Variants in ALKBH3 observed in about 807,000 individuals in gnomAD.
ALKBH3 encodes the protein alkB homolog 3, alpha-ketoglutarate dependent dioxygenase, also known as alpha-ketoglutarate-dependent dioxygenase alkB homolog 3.
Under a neutral mutation model 43.9 loss-of-function variants are expected in ALKBH3, and 51 were observed. That is an observed-to-expected ratio of 1.16 (90% CI 0.93 to 1.47). ALKBH3 has a LOEUF of 1.47. Among genes scored for constraint, ALKBH3 ranks in the 40% most tolerant of loss-of-function variants. ALKBH3 has a pLI of 0.00. For synonymous variants in ALKBH3, 102 were observed against 115.2 expected (o/e 0.89, Z 0.73); for missense variants, 361 against 351.9 (o/e 1.03, Z -0.21).
chr11:43,901,768 G>T, intron 8 of ALKBH3, 43 bp downstream of exon 8: 1 of 1,600,668 alleles, frequency 6.2e-7, no homozygotes, highest in Non-Finnish European at 8.5e-7. Context: ...CCTCTTATTA[G>T]TCTGTGGAAA....
intron 8 of ALKBH3, among the ~76,000 whole-genome samples, chr11:43,907,199 TAGAGAG>T (rs952240021): frequency 6.7e-6 from 1 of 148,902 alleles, no homozygotes; most frequent in Non-Finnish European, 1.5e-5. Flanking sequence ...TGAGGGTGAG[TAGAGAG>T]AGAGAGAGTG....
In ALKBH3 at chr11:43,901,534, A is replaced by G. The variant is rs372439142; in HGVS notation, c.478A>G (p.Thr160Ala). The G allele has an allele frequency of 1.2e-6, 2 of 1,613,748 alleles. No individual in the cohort carries two copies. The highest frequency in any genetic ancestry group is 1.3e-5 in the African/African-American group (1 of 74,928). Residue 160 changes from threonine to alanine, a missense_variant, in exon 8 of 10, where the codon ACA (threonine) becomes GCA (alanine). Transcript: ENST00000302708. ...ATTGCAGTGGCACCCTGTGCTGCGCACACTAAAGAACCGCATTGAAGAGAA... is the reference window on the plus strand; with the variant it reads ...ATTGCAGTGGCACCCTGTGCTGCGCGCACTAAAGAACCGCATTGAAGAGAA... The part of the protein sequence containing the change: ...PNPHWHPVLR[T>A]LKNRIEENTG...
At chr11:43,900,088 G>T (rs1951851082) in intron 7 of ALKBH3, among the ~76,000 whole-genome samples, 1 of 145,654 alleles carries the variant, frequency 6.9e-6, no homozygotes, top group South Asian at 2.2e-4. Flanking sequence ...TTAAAAATTT[G>T]CAAAACAGTG....
chr11:43,913,558 G>A (rs994481165), intron 8 of ALKBH3, among the ~76,000 whole-genome samples: 3 of 152,212 alleles, frequency 2.0e-5, no homozygotes, highest in Non-Finnish European at 4.4e-5. Flanking sequence ...GCAATTGTAC[G>A]TGTATTTGAT....
intron 7 of ALKBH3, 26 bp downstream of exon 7, chr11:43,892,155 T>C (rs755901381): frequency 6.4e-7 from 1 of 1,557,488 alleles, no homozygotes; most frequent in Admixed American, 1.7e-5. Flanking sequence ...GTCATTGGTA[T>C]GGTTTTATAG....
intron 7 of ALKBH3, among the ~76,000 whole-genome samples, chr11:43,892,429 G>A (rs1267849746): frequency 1.3e-5 from 2 of 152,054 alleles, no homozygotes; most frequent in Non-Finnish European, 2.9e-5. Flanking sequence ...GTACACCCTG[G>A]TATGCATTTG....
At chr11:43,893,578 C>G (rs1319372433) in intron 7 of ALKBH3, among the ~76,000 whole-genome samples, 1 of 151,988 alleles carries the variant, frequency 6.6e-6, no homozygotes, top group African/African-American at 2.4e-5. Context: ...AATTCTACCC[C>G]ATGTTTTGGT....
chr11:43,893,203 T>C (rs1951796143), intron 7 of ALKBH3, among the ~76,000 whole-genome samples: 1 of 152,234 alleles, frequency 6.6e-6, no homozygotes. Context: ...CTCAGTAGTA[T>C]TGCCATTTTG....
At chr11:43,903,782 C>G (rs1252573881) in intron 8 of ALKBH3, among the ~76,000 whole-genome samples, 3 of 152,124 alleles carry the variant, frequency 2.0e-5, no homozygotes, top group Non-Finnish European at 4.4e-5. Context: ...AGATTTGAAG[C>G]TTAAGAATTC....
At chr11:43,898,490 T>G in intron 7 of ALKBH3, 1 of 951,616 alleles carries the variant, frequency 1.1e-6, no homozygotes, top group Non-Finnish European at 1.7e-6. Context: ...ACCAACGGCT[T>G]GGTGAGAGCA....
intron 5 of ALKBH3, among the ~76,000 whole-genome samples, chr11:43,887,006 T>C (rs566275673): frequency 1.3e-5 from 2 of 152,174 alleles, no homozygotes; most frequent in African/African-American, 4.8e-5. Context: ...TAATGGGCAC[T>C]AGACTTAACA....
rs567023996 is a variant in ALKBH3, at chr11:43,898,125, G to A, written c.460-3391G>A. On this transcript the variant is annotated intron_variant, in intron 7 of 9. Transcript: ENST00000302708. Reference sequence around the variant, plus strand: ...GCCCCAGTGCACCTGAGCCCGTGGTGGGCATCCCTGATAACAAACTAGATG... The same window carrying A: ...GCCCCAGTGCACCTGAGCCCGTGGTAGGCATCCCTGATAACAAACTAGATG... The A allele has an allele frequency of 4.4e-6, 5 of 1,142,514 alleles. No individual in the cohort carries two copies. In the African/African-American group the frequency reaches 4.5e-5, roughly 10 times the overall value. 70.8% of individuals were successfully genotyped at this position (1,142,514 alleles called of 1,614,324 possible).
At chr11:43,881,806 A>G (rs1424851838) in intron 1 of ALKBH3, among the ~76,000 whole-genome samples, 1 of 152,244 alleles carries the variant, frequency 6.6e-6, no homozygotes, top group East Asian at 1.9e-4. Flanking sequence ...AGGTAGAAGC[A>G]TAAAGAAATA....
At chr11:43,887,167 C>A (rs897181953) in intron 5 of ALKBH3, among the ~76,000 whole-genome samples, 1 of 152,112 alleles carries the variant, frequency 6.6e-6, no homozygotes, top group Non-Finnish European at 1.5e-5. Flanking sequence ...TCTTGGGGAG[C>A]AAAAATTTGA....
rs1272639579 is a variant in ALKBH3 at position 43,880,944 on chromosome 11, T to A, written c.-306T>A. 1 of 152,508 alleles carries A rather than the reference T, an allele frequency of 6.6e-6. No individual in the cohort carries two copies. Among genetic ancestry groups the A allele is most frequent in the Non-Finnish European group, 1.5e-5 (1 of 68,272 alleles). The allele number at this position is 152,508 out of a possible 1,614,324, so 9.4% of individuals were successfully genotyped here. On this transcript the variant is annotated 5_prime_UTR_variant, in exon 1 of 10. Transcript: ENST00000302708. ...GGCTCCGCCCGCAAGTGCGCCTTCC[T>A]GACTTACTGCTGGGTGCGCGGGGCT...
At chr11:43,892,582 TC>T (rs1228519120) in intron 7 of ALKBH3, among the ~76,000 whole-genome samples, 2 of 152,258 alleles carry the variant, frequency 1.3e-5, no homozygotes, top group East Asian at 3.8e-4. Flanking sequence ...TTCTCAGACT[TC>T]CGTCTGATTT....
Position 43,889,765 on chromosome 11 carries a change from G to T in ALKBH3, c.307G>T (p.Asp103Tyr). 6.2e-7 allele frequency: 1 copy of T among 1,614,084 alleles called. No homozygotes were observed. Among genetic ancestry groups the T allele is most frequent in the South Asian group, 1.1e-5 (1 of 91,068 alleles). ...YPGFVDVKEADWILEQLCQDV... is the reference protein window; with the variant it reads ...YPGFVDVKEAYWILEQLCQDV... The stretch of plus-strand genomic sequence containing the variant: ...TGGCTTTGTTGACGTGAAAGAAGCT[G>T]ACTGGATATTGGAACAGCTTTGTCA... The change falls in exon 6 of 10, where the codon GAC becomes TAC. Residue 103 changes from aspartate to tyrosine, a missense_variant. Coordinates refer to ENST00000302708, the MANE Select transcript of ALKBH3 (RefSeq NM_139178.4).
intron 7 of ALKBH3, among the ~76,000 whole-genome samples, chr11:43,893,974 C>CT (rs552304974): frequency 2.0e-4 from 30 of 152,138 alleles, no homozygotes; most frequent in Non-Finnish European, 2.2e-4. Flanking sequence ...CCTCAGCTTC[C>CT]TTTAATAGTT....
intron 7 of ALKBH3, chr11:43,899,419 G>A (rs1277539109): frequency 4.2e-6 from 3 of 709,456 alleles, no homozygotes; most frequent in African/African-American, 1.8e-5. Flanking sequence ...ACTGTAAAGT[G>A]ATGTACTACG....
Sources: allele counts gnomAD v4.1 joint callset (sites outside exome capture counted in the v4.1 genomes callset), GRCh38; gene constraint gnomAD v4.1.1; transcripts MANE v1.5; gene names NCBI Gene and HGNC (gene_info 2026-07-23, HGNC 2026-07-21).